The following SUOX variants were observed in gnomAD, a reference collection of about 807,000 sequenced individuals.
SUOX encodes sulfite oxidase, also known as sulfite oxidase, mitochondrial.
In SUOX, 39 loss-of-function variants were observed where a neutral mutation model predicts 41.9. The observed-to-expected ratio is 0.93, with a 90% CI of 0.72 to 1.21. The LOEUF (loss-of-function observed/expected upper bound fraction) is 1.21. Ranked by LOEUF, SUOX falls within the 50% of genes most tolerant of loss-of-function variation. The pLI is 0.00. For synonymous variants in SUOX, 220 were observed against 268.4 expected (o/e 0.82, Z 1.76); for missense variants, 633 against 689.5 (o/e 0.92, Z 0.92).
chr12:56,000,587 C>T (rs972170211), intron 2 of SUOX, among the ~76,000 whole-genome samples: 1 of 152,166 alleles, frequency 6.6e-6, no homozygotes, highest in Non-Finnish European at 1.5e-5. Context: ...CAGAAAGGGG[C>T]TCCCACAGTG....
Position 56,004,775 on chromosome 12 carries a change from G to A in SUOX, c.1386G>A (p.Val462=). The change falls in exon 5 of 5, where the codon GTG becomes GTA. Residue 462 remains valine, a synonymous_variant. Coordinates refer to ENST00000266971, the MANE Select transcript of SUOX (RefSeq NM_001032386.2). This position sits in a 1 kb window ranked among gnomAD's most constrained non-coding sequence, Gnocchi z 4.5. The part of the protein sequence containing the change: ...GGGRAVIRVD[V]SLDGGLTWQV... ...GCAGGGCTGTGATCCGGGTGGATGT[G>A]TCTCTGGATGGGGGCCTAACCTGGC... is the stretch of plus-strand genomic sequence containing the variant. The A allele has an allele frequency of 1.2e-6, 2 of 1,614,156 alleles. No homozygotes were observed. Among genetic ancestry groups the A allele is most frequent in the East Asian group, 2.2e-5 (1 of 44,870 alleles).
intron 4 of SUOX, chr12:56,002,951 C>A: frequency 4.1e-6 from 2 of 490,924 alleles, no homozygotes; most frequent in African/African-American, 2.0e-5. Flanking sequence ...CACTTAAACC[C>A]AGGAGGCTAA....
chr12:56,004,062 C>G lies in SUOX; in HGVS notation c.673C>G (p.Leu225Val), dbSNP rs781406229. 8.1e-6 allele frequency: 13 copies of G among 1,614,036 alleles called. No homozygotes were observed. In the East Asian group the frequency reaches 2.9e-4, roughly 36 times the overall value. The part of the protein sequence containing the change: ...FTRNHLPVPN[L>V]DPDTYRLHVV... ...CCGGAACCATCTGCCTGTACCTAAC[C>G]TGGATCCAGACACCTATCGCTTACA... is the stretch of plus-strand genomic sequence containing the variant. Residue 225 changes from leucine (L) to valine (V), a missense_variant, in exon 5 of 5, where the codon CTG (leucine) becomes GTG (valine). By Grantham distance (32) the Leu-to-Val change is conservative. Transcript: ENST00000266971. The surrounding 1 kb of genome is among the most constrained non-coding windows in gnomAD (Gnocchi z 4.5).
rs1890684924 is a variant in SUOX, at chr12:56,004,835, C to A, written c.1446C>A (p.Pro482=). 1 of 1,614,026 alleles carries A rather than the reference C, an allele frequency of 6.2e-7. No individual in the cohort carries two copies. Among genetic ancestry groups the A allele is most frequent in the African/African-American group, 1.3e-5 (1 of 74,888 alleles). The part of the protein sequence containing the change: ...VAKLDGEEQR[P]RKAWAWRLWQ... ...AGCTGGATGGAGAGGAACAGCGCCC[C>A]AGGAAGGCCTGGGCATGGCGTCTGT... Residue 482 remains proline, a synonymous_variant, in exon 5 of 5, where the codon CCC becomes CCA. Coordinates refer to ENST00000266971, the MANE Select transcript of SUOX (RefSeq NM_001032386.2). This position sits in a 1 kb window ranked among gnomAD's most constrained non-coding sequence, Gnocchi z 4.5.
At chr12:56,001,988 T>C (rs1258344000) in intron 2 of SUOX, 3 of 1,419,420 alleles carry the variant, frequency 2.1e-6, no homozygotes, top group Non-Finnish European at 2.8e-6. Flanking sequence ...TCCTACCCCA[T>C]TCCCCACCCG....
At position 56,003,741 on chromosome 12, in the gene SUOX, C is replaced by T. The variant is rs770389350; in HGVS notation, c.352C>T (p.His118Tyr). Residue 118 changes from histidine (H) to tyrosine (Y), a missense_variant, in exon 5 of 5, where the codon CAT becomes TAT. His to Tyr is a moderately conservative substitution (Grantham distance 83, BLOSUM62 2). Transcript: ENST00000266971. ...VFDVTEFVDL[H>Y]PGGPSKLMLA... ...TGATGTCACAGAATTTGTGGACCTACATCCAGGGGGGCCTTCAAAGCTGAT... is the reference window on the plus strand; with the variant it reads ...TGATGTCACAGAATTTGTGGACCTATATCCAGGGGGGCCTTCAAAGCTGAT... 18 of 1,613,070 alleles carry T rather than the reference C, an allele frequency of 1.1e-5. No homozygotes were observed. The highest frequency in any genetic ancestry group is 6.7e-5 in the Admixed American group (4 of 59,906).
chr12:56,004,771 A>T lies in SUOX; in HGVS notation c.1382A>T (p.Asp461Val), dbSNP rs759255030. 10 of 1,614,072 alleles carry T rather than the reference A, an allele frequency of 6.2e-6. No homozygotes were observed. In the South Asian group the frequency reaches 9.9e-5, roughly 16 times the overall value. Residue 461 changes from aspartate to valine, a missense_variant, in exon 5 of 5, where the codon GAT becomes GTT. Physicochemically the swap from Asp to Val is radical, Grantham distance 152. Transcript: ENST00000266971. This position sits in a 1 kb window ranked among gnomAD's most constrained non-coding sequence, Gnocchi z 4.5. ...GGTGGCAGGGCTGTGATCCGGGTGG[A>T]TGTGTCTCTGGATGGGGGCCTAACC... ...SGGGRAVIRV[D>V]VSLDGGLTWQ...
intron 2 of SUOX, 24 bp from the exon 3 acceptor site, chr12:56,002,188 G>A: frequency 6.2e-7 from 1 of 1,612,588 alleles, no homozygotes; most frequent in African/African-American, 1.3e-5. Context: ...TCCCTATCTT[G>A]ATCCCAGAAT....
At chr12:56,003,264 CTTT>C (rs1210030456) in intron 4 of SUOX, among the ~76,000 whole-genome samples, 2 of 141,682 alleles carry the variant, frequency 1.4e-5, no homozygotes, top group Admixed American at 7.1e-5. Context: ...TTCATTTTTT[CTTT>C]TTTTTTTTTT....
intron 4 of SUOX, 139 bp from the exon 5 acceptor site, chr12:56,003,479 T>G (rs1207043566): frequency 1.4e-6 from 1 of 740,244 alleles, no homozygotes; most frequent in African/African-American, 1.7e-5. Context: ...CAAGCTGGTC[T>G]TGAACTCCCG....
At chr12:56,003,007 T>G (rs565461217) in intron 4 of SUOX, 43 of 318,864 alleles carry the variant, frequency 1.3e-4, no homozygotes, top group African/African-American at 8.7e-4. Context: ...CTCTCCAGCC[T>G]GGGTGACAGA....
In SUOX at chr12:56,004,571, C is replaced by G. The variant is rs1286551064; in HGVS notation, c.1182C>G (p.His394Gln). 1.9e-6 allele frequency: 3 copies of G among 1,614,230 alleles called. No individual in the cohort carries two copies. The part of the protein sequence containing the change: ...VSVQPEESYS[H>Q]WQRRDYKGFS... ...TGCAGCCAGAGGAAAGTTACAGCCACTGGCAACGGCGGGATTACAAAGGCT... is the reference window on the plus strand; with the variant it reads ...TGCAGCCAGAGGAAAGTTACAGCCAGTGGCAACGGCGGGATTACAAAGGCT... Residue 394 changes from histidine to glutamine, a missense_variant, in exon 5 of 5, where the codon CAC (histidine) becomes CAG (glutamine). Coordinates refer to ENST00000266971, the MANE Select transcript of SUOX (RefSeq NM_001032386.2). This position sits in a 1 kb window ranked among gnomAD's most constrained non-coding sequence, Gnocchi z 4.5.
Position 56,004,782 on chromosome 12 carries a change from G to A in SUOX, c.1393G>A (p.Asp465Asn), listed in dbSNP as rs1159971017. Residue 465 changes from aspartate (D) to asparagine (N), a missense_variant, in exon 5 of 5, where the codon GAT (aspartate) becomes AAT (asparagine). Physicochemically the swap from Asp to Asn is conservative, Grantham distance 23 (BLOSUM62 1). Transcript: ENST00000266971. The surrounding 1 kb of genome is among the most constrained non-coding windows in gnomAD (Gnocchi z 4.5). ...TGTGATCCGGGTGGATGTGTCTCTGGATGGGGGCCTAACCTGGCAGGTGGC... is the reference window on the plus strand; with the variant it reads ...TGTGATCCGGGTGGATGTGTCTCTGAATGGGGGCCTAACCTGGCAGGTGGC... ...RAVIRVDVSL[D>N]GGLTWQVAKL... 4.3e-6 allele frequency: 7 copies of A among 1,614,038 alleles called. No individual in the cohort carries two copies. The African/African-American group carries it at 9.3e-5, about 22-fold the overall frequency.
chr12:56,001,112 ATCTC>A (rs1890506288), intron 2 of SUOX, among the ~76,000 whole-genome samples: 3 of 84,856 alleles, frequency 3.5e-5, no homozygotes, highest in Non-Finnish European at 4.7e-5. Flanking sequence ...ATTGTTGTTA[ATCTC>A]TCTTTTTTTT....
rs777114729 is a variant in SUOX at position 56,004,525 on chromosome 12, A to G, written c.1136A>G (p.Lys379Arg). The G allele has an allele frequency of 1.2e-6, 2 of 1,614,094 alleles. No homozygotes were observed. The highest frequency in any genetic ancestry group is 8.5e-7 in the Non-Finnish European group (1 of 1,180,018). The part of the protein sequence containing the change: ...VPGVVGARHV[K>R]WLGRVSVQPE... The stretch of plus-strand genomic sequence containing the variant: ...GGAGTGGTGGGTGCCCGCCATGTCA[A>G]ATGGCTGGGCAGAGTGAGTGTGCAG... The change falls in exon 5 of 5, where the codon AAA becomes AGA. Residue 379 changes from lysine to arginine, a missense_variant. Physicochemically the swap from Lys to Arg is conservative, Grantham distance 26. Transcript: ENST00000266971. This position sits in a 1 kb window ranked among gnomAD's most constrained non-coding sequence, Gnocchi z 4.5.
intron 2 of SUOX, among the ~76,000 whole-genome samples, chr12:56,000,370 C>T (rs978278552): frequency 6.6e-6 from 1 of 152,230 alleles, no homozygotes; most frequent in Non-Finnish European, 1.5e-5. Context: ...GTACACCCTC[C>T]GCAGCTGCTG....
chr12:56,001,096 T>G (rs1390794397), intron 2 of SUOX, among the ~76,000 whole-genome samples: 1 of 128,884 alleles, frequency 7.8e-6, no homozygotes, highest in East Asian at 2.5e-4. Flanking sequence ...ATTTTTCTAT[T>G]TTGTTATTGT....
rs373891130 is a variant in SUOX, at chr12:56,004,061, C to G, written c.672C>G (p.Asn224Lys). 5 of 1,614,054 alleles carry G rather than the reference C, an allele frequency of 3.1e-6. No homozygotes were observed. The African/African-American group carries it at 6.7e-5, about 22-fold the overall frequency. The part of the protein sequence containing the change: ...FFTRNHLPVP[N>K]LDPDTYRLHV... ...CCCGGAACCATCTGCCTGTACCTAA[C>G]CTGGATCCAGACACCTATCGCTTAC... Residue 224 changes from asparagine (N) to lysine (K), a missense_variant, in exon 5 of 5, where the codon AAC becomes AAG. By Grantham distance (94) the Asn-to-Lys change is moderately conservative. Coordinates refer to ENST00000266971, the MANE Select transcript of SUOX (RefSeq NM_001032386.2). The surrounding 1 kb of genome is among the most constrained non-coding windows in gnomAD (Gnocchi z 4.5).
chr12:56,001,830 C>T, intron 2 of SUOX: 1 of 870,368 alleles, frequency 1.1e-6, no homozygotes, highest in Non-Finnish European at 1.5e-6. Context: ...CAGTTGTCCT[C>T]TGCTGACTTC....
Sources: allele counts gnomAD v4.1 joint callset (sites outside exome capture counted in the v4.1 genomes callset), GRCh38; gene constraint gnomAD v4.1.1; non-coding constraint Gnocchi (gnomAD v3.1); transcripts MANE v1.5; gene names NCBI Gene and HGNC (gene_info 2026-07-23, HGNC 2026-07-21).